The following TENM2 variants were observed in gnomAD, a reference collection of about 807,000 sequenced individuals.
TENM2 encodes teneurin transmembrane protein 2, also known as teneurin-2.
A neutral mutation model predicts 245.2 loss-of-function variants in TENM2; 52 were observed. The ratio of observed to expected loss-of-function variants is 0.21; its 90% confidence interval spans 0.17 to 0.27. The LOEUF (loss-of-function observed/expected upper bound fraction) is 0.27, where lower values mean the gene tolerates loss of function less well. TENM2 is among the 10% of genes least tolerant of loss of function. TENM2 has a pLI of 1.00. For synonymous variants in TENM2, 1,363 were observed against 1,438.9 expected, an observed-to-expected ratio of 0.95 and a Z score of 1.19; for missense variants, 3,046 against 3,666.8, an observed-to-expected ratio of 0.83 and a Z score of 4.37.
At chr5:167,901,857 T>C (rs961664203) in intron 3 of TENM2, among the ~76,000 whole-genome samples, 8 of 152,194 alleles carry the variant, frequency 5.3e-5, no homozygotes, top group Non-Finnish European at 8.8e-5. Context: ...TATTTGCATA[T>C]CTATACTTAT....
the TENM2 span, among the ~76,000 whole-genome samples, chr5:167,221,333 T>C: frequency 6.6e-6 from 1 of 152,102 alleles, no homozygotes; most frequent in Non-Finnish European, 1.5e-5. Flanking sequence ...GAAATGAATG[T>C]TTTGGAGTTT....
chr5:168,230,948 C>T (rs1035086437), intron 25 of TENM2: 23 of 152,226 alleles, frequency 1.5e-4, no homozygotes, highest in African/African-American at 4.8e-4. Context: ...ATCTCATGGG[C>T]GTAACACATC....
intron 4 of TENM2, among the ~76,000 whole-genome samples, chr5:167,970,526 G>C (rs1209566045): frequency 2.0e-5 from 3 of 152,108 alleles, no homozygotes; most frequent in Non-Finnish European, 4.4e-5. Context: ...TTATCAAGTT[G>C]AATGACTTCG....
At chr5:168,198,718 C>T in intron 15 of TENM2, 135 bp from the exon 18 acceptor site, 2 of 1,143,088 alleles carry the variant, frequency 1.7e-6, no homozygotes, top group African/African-American at 1.6e-5. Context: ...GTTCCAGCCC[C>T]ACCTGTCTGC....
At chr5:167,574,291 T>C (rs1774490015) in intron 2 of TENM2, among the ~76,000 whole-genome samples, 3 of 152,160 alleles carry the variant, frequency 2.0e-5, no homozygotes, top group Admixed American at 1.3e-4. Context: ...ATGATTTTGA[T>C]CAGAATAGCA....
rs1491176528 is a variant in TENM2 at position 167,499,859 on chromosome 5, C to CATGTGT, written c.502+124392_502+124397dup. Among the ~76,000 whole-genome samples, 65 of 62,896 alleles carry CATGTGT rather than the reference C, an allele frequency of 1.0e-3. No homozygotes were observed. The South Asian group carries it at 0.034, about 32-fold the overall frequency. 41.3% of individuals were successfully genotyped at this position (62,896 alleles called of 152,430 possible). On this transcript the variant is annotated intron_variant, in intron 2 of 28. Coordinates refer to ENST00000518659, the Ensembl canonical transcript of TENM2. ...ATGTGAGGGTGTATGTGTGTGTGTG[C>CATGTGT]ATGTGTATGTGAGGGTATATGTGTG... is the stretch of plus-strand genomic sequence containing the variant.
At chr5:167,544,884 C>T (rs1179331161) in intron 2 of TENM2, among the ~76,000 whole-genome samples, 1 of 152,068 alleles carries the variant, frequency 6.6e-6, no homozygotes, top group African/African-American at 2.4e-5. Flanking sequence ...ATAGAATTAA[C>T]ATTTGTTTGA....
chr5:167,646,163 A>T (rs1779922562), intron 2 of TENM2, among the ~76,000 whole-genome samples: 1 of 33,084 alleles, frequency 3.0e-5, no homozygotes, highest in African/African-American at 7.2e-5. Context: ...TTTCATATAT[A>T]TATATGTTGT....
intron 2 of TENM2, among the ~76,000 whole-genome samples, chr5:167,867,033 G>GT (rs1206100928): frequency 6.6e-6 from 1 of 152,192 alleles, no homozygotes; most frequent in African/African-American, 2.4e-5. Flanking sequence ...CCAACATAAT[G>GT]TTTTTCCCTT....
chr5:167,686,030 T>C (rs1757052099), intron 2 of TENM2, among the ~76,000 whole-genome samples: 1 of 152,220 alleles, frequency 6.6e-6, no homozygotes, highest in Non-Finnish European at 1.5e-5. Flanking sequence ...TAAAAGTATG[T>C]TTCTCATAAG....
At chr5:167,814,698 A>G (rs1766910054) in intron 2 of TENM2, among the ~76,000 whole-genome samples, 1 of 151,428 alleles carries the variant, frequency 6.6e-6, no homozygotes. Flanking sequence ...ACATATATAT[A>G]GATATCTATA....
chr5:167,715,880 T>G (rs965603811), intron 2 of TENM2, among the ~76,000 whole-genome samples: 6 of 152,236 alleles, frequency 3.9e-5, no homozygotes, highest in Non-Finnish European at 8.8e-5. Flanking sequence ...GTTTCCGTTA[T>G]TAGGGATTAA....
At chr5:167,973,694 G>A (rs1487018610) in intron 4 of TENM2, among the ~76,000 whole-genome samples, 1 of 152,112 alleles carries the variant, frequency 6.6e-6, no homozygotes, top group Non-Finnish European at 1.5e-5. Context: ...GGCATTCCAG[G>A]CAAAGGTGAG....
intron 1 of TENM2, among the ~76,000 whole-genome samples, chr5:167,338,721 C>G (rs1431832297): frequency 2.0e-5 from 3 of 152,170 alleles, no homozygotes; most frequent in African/African-American, 7.2e-5. Context: ...GAAGCAGGAA[C>G]TGGGTGGCTT....
chr5:167,470,796 G>C (rs1467512563), intron 2 of TENM2, among the ~76,000 whole-genome samples: 6 of 152,020 alleles, frequency 3.9e-5, no homozygotes, highest in African/African-American at 1.4e-4. Flanking sequence ...TTACAATTCA[G>C]AAGAAAAGGA....
At chr5:168,027,585 C>T (rs887128114) in intron 5 of TENM2, among the ~76,000 whole-genome samples, 7 of 152,110 alleles carry the variant, frequency 4.6e-5, no homozygotes, top group Admixed American at 6.5e-5. Context: ...TGTGAGTGCT[C>T]AGGGTTCTTT....
intron 6 of TENM2, among the ~76,000 whole-genome samples, chr5:168,055,164 G>A (rs1329084223): frequency 1.3e-5 from 2 of 152,022 alleles, no homozygotes; most frequent in East Asian, 3.9e-4. Context: ...ATCTCAAAGT[G>A]AATTCATAGG....
chr5:167,175,275 A>G, the TENM2 span, among the ~76,000 whole-genome samples: 73 of 152,308 alleles, frequency 4.8e-4, no homozygotes, highest in African/African-American at 1.7e-3. Context: ...ATATGCCCTG[A>G]GATATGTTAA....
At chr5:168,133,324 G>T (rs1380362048) in intron 12 of TENM2, among the ~76,000 whole-genome samples, 3 of 152,146 alleles carry the variant, frequency 2.0e-5, no homozygotes, top group Admixed American at 6.5e-5. Context: ...TAAATTTAAA[G>T]AAAAATATTA....
Sources: allele counts gnomAD v4.1 joint callset (sites outside exome capture counted in the v4.1 genomes callset), GRCh38; gene constraint gnomAD v4.1.1; transcripts MANE v1.5; gene names NCBI Gene and HGNC (gene_info 2026-07-23, HGNC 2026-07-21).